The following GPHN variants were observed in gnomAD, a reference collection of about 807,000 sequenced individuals.
GPHN encodes the protein gephyrin.
A neutral mutation model predicts 95.5 loss-of-function variants in GPHN; 17 were observed. The ratio of observed to expected loss-of-function variants is 0.18; its 90% CI spans 0.12 to 0.27. The LOEUF (loss-of-function observed/expected upper bound fraction) is 0.27, where lower values mean the gene tolerates loss of function less well. GPHN is among the 10% of genes least tolerant of loss of function. The pLI is 1.00. For synonymous variants in GPHN, 320 were observed against 322.5 expected, an observed-to-expected ratio of 0.99 and a Z score of 0.08; for missense variants, 660 against 978.1, an observed-to-expected ratio of 0.67 and a Z score of 4.34.
the GPHN span, chr14:67,650,477 G>T: frequency 1.9e-6 from 1 of 538,056 alleles, no homozygotes. Context: ...GTTGAACAGG[G>T]ATGGTTTATT....
chr14:67,713,586 GGTCAGGGGC>G, the GPHN span, among the ~76,000 whole-genome samples: 1 of 152,098 alleles, frequency 6.6e-6, no homozygotes, highest in African/African-American at 2.4e-5. Flanking sequence ...ATTTGTCAAA[GGTCAGGGGC>G]ATCTCCATTG....
At chr14:66,946,972 C>T (rs2067794265) in intron 8 of GPHN, among the ~76,000 whole-genome samples, 1 of 152,146 alleles carries the variant, frequency 6.6e-6, no homozygotes, top group African/African-American at 2.4e-5. Context: ...GTCTTCAACC[C>T]ATAGCCAGAG....
chr14:67,482,147 A>G, the GPHN span, among the ~76,000 whole-genome samples: 1 of 152,184 alleles, frequency 6.6e-6, no homozygotes, highest in African/African-American at 2.4e-5. Flanking sequence ...CTACCCCTTC[A>G]AGGGAACAGG....
At chr14:66,828,417 G>T (rs923483522) in intron 4 of GPHN, among the ~76,000 whole-genome samples, 5 of 151,930 alleles carry the variant, frequency 3.3e-5, no homozygotes, top group African/African-American at 9.7e-5. Flanking sequence ...TTTGATAGTT[G>T]TATCTAAAGA....
In GPHN at chr14:66,614,430, T is replaced by G. The variant is rs542766317; in HGVS notation, c.65-66677T>G. ...CCATATGTCATTAAATTAATGCTCATCATCCTCTATTAAGATGTAAATGAT... is the reference window on the plus strand; with the variant it reads ...CCATATGTCATTAAATTAATGCTCAGCATCCTCTATTAAGATGTAAATGAT... On this transcript the variant is annotated intron_variant, in intron 1 of 22. Coordinates refer to ENST00000478722, the MANE Select transcript of GPHN (RefSeq NM_020806.5). Among the ~76,000 whole-genome samples the G allele has an allele frequency of 1.1e-3, 165 of 152,286 alleles. 1 individual carries two copies. The highest frequency in any genetic ancestry group is 3.8e-3 in the African/African-American group (159 of 41,580).
At chr14:66,924,507 T>C (rs1253161239) in intron 8 of GPHN, among the ~76,000 whole-genome samples, 1 of 152,230 alleles carries the variant, frequency 6.6e-6, no homozygotes, top group African/African-American at 2.4e-5. Context: ...TCATTAAGAT[T>C]CTGTCATTTG....
intron 5 of GPHN, among the ~76,000 whole-genome samples, chr14:66,908,731 T>G (rs969205340): frequency 6.6e-6 from 1 of 151,996 alleles, no homozygotes; most frequent in Non-Finnish European, 1.5e-5. Flanking sequence ...AGCATATACC[T>G]GTGATATGAT....
chr14:67,395,705 C>T, the GPHN span: 4 of 697,528 alleles, frequency 5.7e-6, no homozygotes, highest in Non-Finnish European at 9.9e-6. Context: ...CCTGAGCCCT[C>T]GGCCACATAG....
the GPHN span, among the ~76,000 whole-genome samples, chr14:67,439,533 G>GTTTCTTCTTTCTTTC: frequency 7.3e-5 from 7 of 96,062 alleles, no homozygotes; most frequent in South Asian, 2.4e-3. Context: ...AAATTCAATA[G>GTTTCTTCTTTCTTTC]TTTCTTTCTT....
the GPHN span, among the ~76,000 whole-genome samples, chr14:67,316,001 G>A: frequency 2.0e-5 from 3 of 152,150 alleles, no homozygotes; most frequent in African/African-American, 4.8e-5. Flanking sequence ...GTACACTTAC[G>A]AAATGCACTA....
At chr14:67,434,249 T>A in the GPHN span, among the ~76,000 whole-genome samples, 1 of 152,244 alleles carries the variant, frequency 6.6e-6, no homozygotes, top group Non-Finnish European at 1.5e-5. Flanking sequence ...TAAAAATTAA[T>A]ATAAATGATA....
chr14:67,581,291 C>CAT, the GPHN span, among the ~76,000 whole-genome samples: 1 of 151,926 alleles, frequency 6.6e-6, no homozygotes, highest in Non-Finnish European at 1.5e-5. Flanking sequence ...CACACACACA[C>CAT]ACACACACAA....
At chr14:67,065,847 G>T (rs1440801034) in intron 11 of GPHN, among the ~76,000 whole-genome samples, 2 of 151,650 alleles carry the variant, frequency 1.3e-5, no homozygotes, top group African/African-American at 4.9e-5. Context: ...ACAGAGATGG[G>T]TCTCCTGAAT....
At chr14:67,314,417 C>T in the GPHN span, among the ~76,000 whole-genome samples, 2 of 152,184 alleles carry the variant, frequency 1.3e-5, no homozygotes, top group African/African-American at 4.8e-5. Flanking sequence ...CACTTTAAAA[C>T]TCAGAGGCTA....
chr14:67,334,707 T>C, the GPHN span: 1 of 152,280 alleles, frequency 6.6e-6, no homozygotes. Context: ...AGGAATGCCA[T>C]ACACTACTGT....
chr14:67,384,577 G>GATA, the GPHN span: 8 of 152,046 alleles, frequency 5.3e-5, no homozygotes, highest in African/African-American at 1.9e-4. Context: ...ATTATCCCTA[G>GATA]ATAGCTATTA....
chr14:66,552,846 C>T (rs1364590607), intron 1 of GPHN, among the ~76,000 whole-genome samples: 4 of 152,100 alleles, frequency 2.6e-5, no homozygotes, highest in African/African-American at 9.6e-5. Flanking sequence ...CCTTTTCTGG[C>T]TGCTTTCAAG....
chr14:67,439,593 C>CTTTTCTTTTTCTTTCTTTCCTTCT, the GPHN span, among the ~76,000 whole-genome samples: 39 of 109,850 alleles, frequency 3.6e-4, 3 homozygotes, highest in African/African-American at 1.2e-3. Flanking sequence ...TTCTTTCTTT[C>CTTTTCTTTTTCTTTCTTTCCTTCT]TTCTTTCTTT....
At chr14:66,963,915 C>A (rs1389385557) in intron 8 of GPHN, among the ~76,000 whole-genome samples, 1 of 152,078 alleles carries the variant, frequency 6.6e-6, no homozygotes, top group Non-Finnish European at 1.5e-5. Flanking sequence ...GTCACAAAGT[C>A]TGGCTGTTTC....
Sources: gnomAD v4.1 joint callset for allele counts (sites outside exome capture counted in the v4.1 genomes callset) on GRCh38, gnomAD v4.1.1 for gene constraint, MANE v1.5 for transcripts, NCBI Gene and HGNC (gene_info 2026-07-23, HGNC 2026-07-21) for gene names.